Variants in NRXN3 observed in about 807,000 individuals in gnomAD.
NRXN3 encodes neurexin III.
In NRXN3, 32 loss-of-function variants were observed where a neutral mutation model predicts 137.6. That is an observed-to-expected ratio of 0.23 (90% CI 0.18 to 0.31). NRXN3 has a LOEUF of 0.31. Ranked by LOEUF, NRXN3 falls within the 10% of genes least tolerant of loss-of-function variation. The pLI is 1.00. For synonymous variants in NRXN3, 798 were observed against 784.5 expected (o/e 1.02, Z -0.29); for missense variants, 1,574 against 2,062.5 (o/e 0.76, Z 4.59).
intron 16 of NRXN3, among the ~76,000 whole-genome samples, chr14:79,628,324 G>A (rs1016483034): frequency 2.6e-5 from 4 of 152,158 alleles, no homozygotes; most frequent in African/African-American, 9.7e-5. Context: ...CTAGGCACAA[G>A]TTAAGACCTG....
chr14:79,281,629 G>T (rs2081290044), intron 15 of NRXN3: 1 of 152,026 alleles, frequency 6.6e-6, no homozygotes, highest in South Asian at 2.1e-4. Context: ...GCCTGAAGTT[G>T]ATTGAACTGT....
chr14:79,559,291 TACTC>T (rs528597966), intron 16 of NRXN3, among the ~76,000 whole-genome samples: 121 of 152,302 alleles, frequency 7.9e-4, no homozygotes, highest in Middle Eastern at 6.8e-3. Context: ...TCACCAAGCT[TACTC>T]ACTTCTAGCT....
chr14:79,615,080 A>T (rs998668005), intron 16 of NRXN3, among the ~76,000 whole-genome samples: 1 of 152,192 alleles, frequency 6.6e-6, no homozygotes, highest in Non-Finnish European at 1.5e-5. Flanking sequence ...CTCCAGGGCT[A>T]TCATAGTGCT....
rs754889070 is a variant in NRXN3, at chr14:78,243,474, C to T, written c.381C>T (p.Gly127=). Reference sequence around the variant, plus strand: ...TGCGCACGGTGCTGATGCTTGATGGCGAGGGCCAGTCTGGGGAGCTGCAGC... The same window carrying T: ...TGCGCACGGTGCTGATGCTTGATGGTGAGGGCCAGTCTGGGGAGCTGCAGC... ...DRLRTVLMLD[G]EGQSGELQPQ... The change falls in exon 2 of 21, where the codon GGC becomes GGT. Residue 127 remains glycine (G), a synonymous_variant. Coordinates refer to ENST00000335750, the MANE Select transcript of NRXN3 (RefSeq NM_001330195.2). The surrounding 1 kb of genome is among the most constrained non-coding windows in gnomAD (Gnocchi z 4.2). 94 of 1,584,726 alleles carry T rather than the reference C, an allele frequency of 5.9e-5. No individual in the cohort carries two copies. Among genetic ancestry groups the T allele is most frequent in the South Asian group, 4.2e-4 (37 of 88,988 alleles).
chr14:78,794,817 G>C (rs2098816362), intron 8 of NRXN3, among the ~76,000 whole-genome samples: 2 of 152,014 alleles, frequency 1.3e-5, no homozygotes, highest in South Asian at 4.1e-4. Context: ...GCTCACATCT[G>C]TAATCCCAGC....
intron 16 of NRXN3, among the ~76,000 whole-genome samples, chr14:79,536,494 G>T (rs2097212627): frequency 6.6e-6 from 1 of 151,532 alleles, no homozygotes; most frequent in South Asian, 2.1e-4. Flanking sequence ...ACATGTGCAG[G>T]ATGTGAAGGT....
At chr14:79,579,161 T>C (rs2097691995) in intron 16 of NRXN3, among the ~76,000 whole-genome samples, 1 of 151,742 alleles carries the variant, frequency 6.6e-6, no homozygotes, top group African/African-American at 2.4e-5. Flanking sequence ...TCTTTTTTTC[T>C]ACTTTACTGA....
intron 15 of NRXN3, among the ~76,000 whole-genome samples, chr14:79,218,099 C>T (rs1478020734): frequency 1.3e-5 from 2 of 152,094 alleles, no homozygotes; most frequent in South Asian, 2.1e-4. Flanking sequence ...AATATTGACC[C>T]CATAATTGTT....
At chr14:79,751,741 G>A (rs1250542975) in intron 19 of NRXN3, among the ~76,000 whole-genome samples, 10 of 150,684 alleles carry the variant, frequency 6.6e-5, no homozygotes, top group East Asian at 2.0e-4. Flanking sequence ...TTTGAGATAC[G>A]TCCCATCAAT....
chr14:79,861,153 T>C lies in NRXN3; in HGVS notation c.4094-189T>C, dbSNP rs1212379931. On this transcript the variant is annotated intron_variant, in intron 20 of 20. Transcript: ENST00000335750. The surrounding 1 kb of genome is among the most constrained non-coding windows in gnomAD (Gnocchi z 5.4). ...ACCTTTCGCCCCCTCCTCACCATTA[T>C]TGAGACCACCAAAGATTCCCTGTCC... The C allele has an allele frequency of 2.9e-6, 4 of 1,383,828 alleles. No individual in the cohort carries two copies. The highest frequency in any genetic ancestry group is 2.5e-5 in the South Asian group (2 of 80,640). The allele number at this position is 1,383,828 out of a possible 1,614,324, so 85.7% of individuals were successfully genotyped here.
chr14:78,855,601 C>CA (rs1186271237), intron 10 of NRXN3, among the ~76,000 whole-genome samples: 3 of 151,590 alleles, frequency 2.0e-5, no homozygotes, highest in Non-Finnish European at 1.5e-5. Flanking sequence ...GATTTTAGCA[C>CA]AAAAAAAACT....
In NRXN3 at chr14:78,278,675, G is replaced by A; in HGVS notation, c.727+13G>A. ...AGTCAAGATCCAGGTGAGTCTTTGT[G>A]TTTGCACAGCTGCTGTGGGAATTTC... On this transcript the variant is annotated intron_variant, in intron 3 of 20. Transcript: ENST00000335750. 6.5e-7 allele frequency: 1 copy of A among 1,534,564 alleles called. No homozygotes were observed. The highest frequency in any genetic ancestry group is 8.7e-7 in the Non-Finnish European group (1 of 1,145,938).
chr14:78,467,779 T>C (rs1268295404), intron 4 of NRXN3, among the ~76,000 whole-genome samples: 1 of 152,200 alleles, frequency 6.6e-6, no homozygotes, highest in Non-Finnish European at 1.5e-5. Flanking sequence ...ATTTTAAAAA[T>C]GTTATCAGTA....
At chr14:79,519,289 TG>T (rs1244413087) in intron 16 of NRXN3, among the ~76,000 whole-genome samples, 1 of 152,166 alleles carries the variant, frequency 6.6e-6, no homozygotes, top group Admixed American at 6.5e-5. Context: ...TTTATGTATC[TG>T]CAATTTTCTT....
intron 15 of NRXN3, among the ~76,000 whole-genome samples, chr14:79,221,238 GAAT>G (rs764347820): frequency 6.6e-6 from 1 of 152,090 alleles, no homozygotes; most frequent in Non-Finnish European, 1.5e-5. Flanking sequence ...CTTTATAGTA[GAAT>G]CATTTATTAT....
chr14:79,837,915 C>T (rs900109775), intron 20 of NRXN3, among the ~76,000 whole-genome samples: 1 of 152,044 alleles, frequency 6.6e-6, no homozygotes, highest in East Asian at 1.9e-4. Flanking sequence ...TGGGAAATAC[C>T]TTTTATTTTC....
At chr14:78,708,770 C>T (rs2098381623) in intron 6 of NRXN3, among the ~76,000 whole-genome samples, 1 of 152,110 alleles carries the variant, frequency 6.6e-6, no homozygotes, top group Admixed American at 6.5e-5. Flanking sequence ...ACATCAAAAC[C>T]AAAAGCAATA....
At position 78,631,522 on chromosome 14, in the gene NRXN3, G is replaced by T. The variant is rs371172445; in HGVS notation, c.758-13598G>T. Among the ~76,000 whole-genome samples, 5 of 152,146 alleles carry T rather than the reference G, an allele frequency of 3.3e-5. No homozygotes were observed. In the East Asian group the frequency reaches 5.8e-4, roughly 18 times the overall value. ...ATTTCTGAAGAGGTTTAGAATTTTG[G>T]TTTCATGGATAGCATAGGAAATGTA... On this transcript the variant is annotated intron_variant, in intron 4 of 20. Coordinates refer to ENST00000335750, the MANE Select transcript of NRXN3 (RefSeq NM_001330195.2).
intron 16 of NRXN3, among the ~76,000 whole-genome samples, chr14:79,614,115 C>G (rs2552408): frequency 0.39 from 58,562 of 151,934 alleles, 15,549 homozygotes; most frequent in African/African-American, 0.76. Flanking sequence ...AAAATTGTCA[C>G]TCTTAAAATC....
Sources: allele counts gnomAD v4.1 joint callset (sites outside exome capture counted in the v4.1 genomes callset), GRCh38; gene constraint gnomAD v4.1.1; non-coding constraint Gnocchi (gnomAD v3.1); transcripts MANE v1.5; gene names NCBI Gene and HGNC (gene_info 2026-07-23, HGNC 2026-07-21).